SH3BGRL: variants seen among roughly 807,000 people sequenced by gnomAD.
SH3BGRL encodes the protein SH3 domain binding glutamate rich protein like, also known as adapter SH3BGRL.
A neutral mutation model predicts 9.8 loss-of-function variants in SH3BGRL; 7 were observed. The ratio of observed to expected loss-of-function variants is 0.72; its 90% CI spans 0.41 to 1.35. The LOEUF is 1.35. Ranked by LOEUF, SH3BGRL falls within the 40% of genes most tolerant of loss-of-function variation. The pLI, the probability that SH3BGRL is intolerant of heterozygous loss-of-function variation, is 0.01. For missense variants in SH3BGRL, 73 were observed against 84.4 expected, an observed-to-expected ratio of 0.86 and a Z score of 0.53; for synonymous variants, 36 against 29.1, an observed-to-expected ratio of 1.24 and a Z score of -0.76.
At chrX:81,249,464 C>G (rs1211552690) in intron 1 of SH3BGRL, among the ~76,000 whole-genome samples, 3 of 112,250 alleles carry the variant, frequency 2.7e-5, no homozygotes, top group Non-Finnish European at 3.8e-5. Flanking sequence ...CACTGTTTTC[C>G]TTGTCCCATT....
At chrX:81,221,638 A>T (rs2075600437) in intron 1 of SH3BGRL, among the ~76,000 whole-genome samples, 1 of 111,732 alleles carries the variant, frequency 8.9e-6, no homozygotes, top group South Asian at 3.7e-4. Flanking sequence ...AAGCATAAGA[A>T]TCCATTTGGG....
chrX:81,246,129 G>A (rs1007786283), intron 1 of SH3BGRL, among the ~76,000 whole-genome samples: 7 of 110,995 alleles, frequency 6.3e-5, no homozygotes, highest in African/African-American at 2.3e-4. Flanking sequence ...AGTAGTGTCC[G>A]TTCATGTCTT....
At chrX:81,288,080 ATCAT>A (rs2075842743) in intron 3 of SH3BGRL, among the ~76,000 whole-genome samples, 1 of 111,860 alleles carries the variant, frequency 8.9e-6, no homozygotes, top group Admixed American at 9.5e-5. Flanking sequence ...TATTAGAAAG[ATCAT>A]TCATCCTGAC....
chrX:81,202,288 C>T, intron 1 of SH3BGRL, 43 bp downstream of exon 1: 1 of 1,147,284 alleles, frequency 8.7e-7, no homozygotes, highest in African/African-American at 1.8e-5. Context: ...TTCCTACACA[C>T]CAGTCCTCTG....
chrX:81,204,746 C>A (rs2147662536), intron 1 of SH3BGRL, among the ~76,000 whole-genome samples: 1 of 111,840 alleles, frequency 8.9e-6, no homozygotes, highest in African/African-American at 3.2e-5. Context: ...GGCGTGAACC[C>A]AAGAGGCGGA....
chrX:81,278,738 A>G (rs984391817), intron 3 of SH3BGRL, among the ~76,000 whole-genome samples: 1 of 111,939 alleles, frequency 8.9e-6, no homozygotes, highest in South Asian at 3.7e-4. Context: ...ATGGTTCTAC[A>G]TCGACAGTAA....
chrX:81,270,027 G>A lies in SH3BGRL; in HGVS notation c.46-6957G>A, dbSNP rs776297462. 2.7e-5 allele frequency among the ~76,000 whole-genome samples: 3 copies of A among 110,287 alleles called. No homozygotes were observed. The South Asian group carries it at 1.2e-3, about 43-fold the overall frequency. ...GATTGAATGAGCCATTGAAGCTTGTGTATGCTTCACGAAGTTCTTGTTCTG... is the reference window on the plus strand; with the variant it reads ...GATTGAATGAGCCATTGAAGCTTGTATATGCTTCACGAAGTTCTTGTTCTG... On this transcript the variant is annotated intron_variant, in intron 1 of 3. Coordinates refer to ENST00000373212, the MANE Select transcript of SH3BGRL (RefSeq NM_003022.3).
chrX:81,227,603 T>C (rs963219511), intron 1 of SH3BGRL, among the ~76,000 whole-genome samples: 1 of 112,222 alleles, frequency 8.9e-6, no homozygotes, highest in Non-Finnish European at 1.9e-5. Flanking sequence ...TACATTTGCT[T>C]TAGAAATGAT....
In SH3BGRL at chrX:81,297,282, A is replaced by C; in HGVS notation, c.*55A>C. 1.0e-6 allele frequency: 1 copy of C among 987,662 alleles called. No individual in the cohort carries two copies. 81.4% of individuals were successfully genotyped at this position (987,662 alleles called of 1,213,427 possible). A position where few individuals can be genotyped will look rare whatever the true frequency, so the allele number is the denominator to read the frequency against. On this transcript the variant is annotated 3_prime_UTR_variant, in exon 4 of 4. Coordinates refer to ENST00000373212, the MANE Select transcript of SH3BGRL (RefSeq NM_003022.3). ...AAAAATGAGTCTCCATTGCTTTTAT[A>C]AAATAGCAGAATTAGCTTTGCTTCA...
intron 1 of SH3BGRL, among the ~76,000 whole-genome samples, chrX:81,213,638 T>C (rs1324063991): frequency 9.0e-6 from 1 of 111,505 alleles, no homozygotes; most frequent in African/African-American, 3.3e-5. Context: ...AATGGACCCG[T>C]CAAAAGTTAA....
At chrX:81,225,816 C>CATAATTTATTTA (rs1194909456) in intron 1 of SH3BGRL, among the ~76,000 whole-genome samples, 2 of 111,099 alleles carry the variant, frequency 1.8e-5, no homozygotes, top group African/African-American at 6.5e-5. Context: ...TAAATAAATC[C>CATAATTTATTTA]CAGTCCTCTG....
At chrX:81,257,062 A>T (rs1042313724) in intron 1 of SH3BGRL, among the ~76,000 whole-genome samples, 2 of 102,335 alleles carry the variant, frequency 2.0e-5, no homozygotes, top group Middle Eastern at 5.3e-3. Flanking sequence ...TTCTCTACAT[A>T]TTTATAGAAT....
intron 3 of SH3BGRL, among the ~76,000 whole-genome samples, chrX:81,293,410 C>T (rs1029417458): frequency 1.2e-4 from 13 of 111,875 alleles, no homozygotes; most frequent in Admixed American, 4.7e-4. Flanking sequence ...TGGCCAGGTG[C>T]GCTGGCTCAT....
intron 1 of SH3BGRL, among the ~76,000 whole-genome samples, chrX:81,239,596 T>C (rs1460755011): frequency 9.0e-6 from 1 of 110,617 alleles, no homozygotes; most frequent in Admixed American, 9.6e-5. Context: ...GAGATAGGGG[T>C]AGAAAGTTCA....
intron 1 of SH3BGRL, among the ~76,000 whole-genome samples, chrX:81,242,624 T>G (rs2147688283): frequency 9.0e-6 from 1 of 111,215 alleles, no homozygotes; most frequent in South Asian, 3.8e-4. Context: ...ATCAACAAAG[T>G]GAAGAGACAG....
intron 1 of SH3BGRL, among the ~76,000 whole-genome samples, chrX:81,276,775 A>C (rs753833836): frequency 9.0e-6 from 1 of 111,731 alleles, no homozygotes; most frequent in East Asian, 2.8e-4. Flanking sequence ...AAAAAAAAAG[A>C]GAAATTCAAC....
At chrX:81,228,540 T>G (rs961650585) in intron 1 of SH3BGRL, among the ~76,000 whole-genome samples, 1 of 111,226 alleles carries the variant, frequency 9.0e-6, no homozygotes, top group Non-Finnish European at 1.9e-5. Context: ...CTTATCAAAT[T>G]TAAAGAGCCT....
At chrX:81,283,800 T>C (rs1350561135) in intron 3 of SH3BGRL, among the ~76,000 whole-genome samples, 1 of 110,737 alleles carries the variant, frequency 9.0e-6, no homozygotes, top group African/African-American at 3.3e-5. Flanking sequence ...TTCAACATGG[T>C]ACTGGAAGTC....
chrX:81,265,916 G>A (rs1001139782), intron 1 of SH3BGRL, among the ~76,000 whole-genome samples: 2 of 110,819 alleles, frequency 1.8e-5, no homozygotes, highest in Non-Finnish European at 3.8e-5. Flanking sequence ...TGGCGATCTC[G>A]TGGTTTTGAT....
Sources: gnomAD v4.1 joint callset for allele counts (sites outside exome capture counted in the v4.1 genomes callset) on GRCh38, gnomAD v4.1.1 for gene constraint, MANE v1.5 for transcripts, NCBI Gene and HGNC (gene_info 2026-07-23, HGNC 2026-07-21) for gene names.